CCDC91: variants seen among roughly 807,000 people sequenced by gnomAD.
CCDC91 encodes coiled-coil domain containing 91.
In CCDC91, 48 loss-of-function variants were observed where a neutral mutation model predicts 63.2. The ratio of observed to expected loss-of-function variants is 0.76; its 90% CI spans 0.60 to 0.97. The LOEUF is 0.97. CCDC91 is among the 50% of genes least tolerant of loss of function. The probability of loss-of-function intolerance (pLI) is 0.00; values close to 1 mark genes in which losing one functional copy is unlikely to be tolerated. For missense variants in CCDC91, 500 were observed against 494.6 expected (o/e 1.01, Z -0.10); for synonymous variants, 167 against 165.8 (o/e 1.01, Z -0.06).
At chr12:28,429,304 T>C (rs555951816) in intron 8 of CCDC91, among the ~76,000 whole-genome samples, 11 of 152,322 alleles carry the variant, frequency 7.2e-5, no homozygotes, top group African/African-American at 2.6e-4. Flanking sequence ...TCCAGTATTC[T>C]TTCTACTTTA....
At chr12:28,344,341 C>T (rs1256463791) in intron 6 of CCDC91, among the ~76,000 whole-genome samples, 1 of 152,046 alleles carries the variant, frequency 6.6e-6, no homozygotes, top group African/African-American at 2.4e-5. Context: ...TTTTCATCAT[C>T]ATTAAACTCC....
chr12:28,266,418 A>G (rs1437187686), intron 3 of CCDC91, among the ~76,000 whole-genome samples: 2 of 151,858 alleles, frequency 1.3e-5, no homozygotes, highest in African/African-American at 4.8e-5. Flanking sequence ...TTAGTATTTT[A>G]TTTTCTGGTC....
At chr12:28,400,197 G>T (rs1946530238) in intron 8 of CCDC91, among the ~76,000 whole-genome samples, 1 of 152,146 alleles carries the variant, frequency 6.6e-6, no homozygotes, top group Non-Finnish European at 1.5e-5. Context: ...TGATTTCTGT[G>T]CACCTGCATG....
At chr12:28,527,633 A>G (rs1254082973) in intron 12 of CCDC91, among the ~76,000 whole-genome samples, 2 of 151,986 alleles carry the variant, frequency 1.3e-5, no homozygotes, top group Non-Finnish European at 2.9e-5. Context: ...TGGGGGGGGA[A>G]CATTTGGTAG....
chr12:28,265,360 C>T (rs887956078), intron 3 of CCDC91, among the ~76,000 whole-genome samples: 2 of 152,030 alleles, frequency 1.3e-5, no homozygotes, highest in Non-Finnish European at 2.9e-5. Flanking sequence ...CTGTCACAAG[C>T]TGACCCTTTA....
At chr12:28,306,351 T>C (rs1026814554) in intron 4 of CCDC91, among the ~76,000 whole-genome samples, 1 of 152,212 alleles carries the variant, frequency 6.6e-6, no homozygotes, top group Non-Finnish European at 1.5e-5. Flanking sequence ...ATAGAGGTCA[T>C]TGATAAATTT....
intron 7 of CCDC91, among the ~76,000 whole-genome samples, chr12:28,370,684 A>T (rs1944562418): frequency 6.6e-6 from 1 of 152,218 alleles, no homozygotes; most frequent in African/African-American, 2.4e-5. Context: ...TGTTGTAAAG[A>T]ACTACTTGAG....
intron 12 of CCDC91, among the ~76,000 whole-genome samples, chr12:28,524,699 G>A (rs1379065491): frequency 2.0e-5 from 3 of 151,978 alleles, no homozygotes; most frequent in Non-Finnish European, 4.4e-5. Flanking sequence ...TTAATGTCTG[G>A]TATAAAGCTG....
At chr12:28,512,916 T>C (rs1360994442) in intron 12 of CCDC91, among the ~76,000 whole-genome samples, 1 of 151,906 alleles carries the variant, frequency 6.6e-6, no homozygotes, top group Non-Finnish European at 1.5e-5. Context: ...AAAAGGTCCT[T>C]ATATTATATG....
intron 12 of CCDC91, among the ~76,000 whole-genome samples, chr12:28,541,631 G>C (rs1250569255): frequency 6.6e-6 from 1 of 151,756 alleles, no homozygotes; most frequent in East Asian, 1.9e-4. Flanking sequence ...TGATATATTT[G>C]GGATCCCTAT....
chr12:28,301,228 T>A lies in CCDC91; in HGVS notation c.110-4421T>A, dbSNP rs184267363. Among the ~76,000 whole-genome samples, 7 of 151,734 alleles carry A rather than the reference T, an allele frequency of 4.6e-5. No homozygotes were observed. In the East Asian group the frequency reaches 1.4e-3, roughly 29 times the overall value. On this transcript the variant is annotated intron_variant, in intron 3 of 12. Coordinates refer to ENST00000536442, the MANE Select transcript of CCDC91 (RefSeq NM_018318.5). ...GGGCTGAGGTTTATATATTTTATTT[T>A]CTTAAAAAGCGTCCATCAGTTTCTA...
At chr12:28,359,376 A>G (rs1943728068) in intron 6 of CCDC91, among the ~76,000 whole-genome samples, 2 of 152,234 alleles carry the variant, frequency 1.3e-5, no homozygotes, top group East Asian at 3.8e-4. Flanking sequence ...GTTTCATTTA[A>G]GGCATCTAGG....
chr12:28,206,261 C>A (rs1942844593), intron 1 of CCDC91, among the ~76,000 whole-genome samples: 1 of 152,158 alleles, frequency 6.6e-6, no homozygotes. Flanking sequence ...GTCAGGTTCT[C>A]AGGTGAGAGT....
intron 3 of CCDC91, among the ~76,000 whole-genome samples, chr12:28,303,870 A>G (rs1218618261): frequency 1.3e-5 from 2 of 152,066 alleles, no homozygotes; most frequent in Non-Finnish European, 2.9e-5. Flanking sequence ...ACTCCACTGT[A>G]CTAGTTATTT....
In CCDC91 at chr12:28,396,642, TTTTG is replaced by T. The variant is rs869026626; in HGVS notation, c.762+5233_762+5236del. ...AGTAGATGCTCATTGATAAAGGAGA[TTTTG>T]TGTGTGTGTGTGTGTGTGTGTGTGT... On this transcript the variant is annotated intron_variant, in intron 8 of 12. Transcript: ENST00000536442. Among the ~76,000 whole-genome samples the T allele has an allele frequency of 7.9e-3, 1,170 of 148,570 alleles. 6 individuals are homozygous for T. Among genetic ancestry groups the T allele is most frequent in the Middle Eastern group, 0.01 (3 of 288 alleles).
intron 11 of CCDC91, among the ~76,000 whole-genome samples, chr12:28,475,781 A>G (rs551569190): frequency 6.6e-6 from 1 of 152,038 alleles, no homozygotes; most frequent in East Asian, 1.9e-4. Context: ...TTGGTCTTCG[A>G]CTTCTCAGGC....
At chr12:28,521,878 T>C (rs560223641) in intron 12 of CCDC91, among the ~76,000 whole-genome samples, 5 of 152,292 alleles carry the variant, frequency 3.3e-5, no homozygotes, top group African/African-American at 9.6e-5. Context: ...ATTACACTTA[T>C]TGATTTGTGT....
At chr12:28,334,358 T>G (rs1468928606) in intron 6 of CCDC91, among the ~76,000 whole-genome samples, 2 of 152,186 alleles carry the variant, frequency 1.3e-5, no homozygotes, top group African/African-American at 2.4e-5. Context: ...ACTAAAATAT[T>G]TAAGCACCTA....
intron 12 of CCDC91, among the ~76,000 whole-genome samples, chr12:28,508,889 TA>T: frequency 6.6e-6 from 1 of 152,082 alleles, no homozygotes; most frequent in East Asian, 2.0e-4. Context: ...TAGCTCTATT[TA>T]ATGGTTATTG....
Sources: allele counts gnomAD v4.1 joint callset (sites outside exome capture counted in the v4.1 genomes callset), GRCh38; gene constraint gnomAD v4.1.1; transcripts MANE v1.5; gene names NCBI Gene and HGNC (gene_info 2026-07-23, HGNC 2026-07-21).